FKBP1C: variants seen among roughly 807,000 people sequenced by gnomAD.
FKBP1C encodes peptidyl-prolyl cis-trans isomerase FKBP1C.
In FKBP1C, 7 loss-of-function variants were observed where a neutral mutation model predicts 7.1. The ratio of observed to expected loss-of-function variants is 0.99; its 90% CI spans 0.56 to 1.86. The LOEUF (loss-of-function observed/expected upper bound fraction) is 1.86, where lower values mean the gene tolerates loss of function less well. Among genes scored for constraint, FKBP1C ranks in the 40% most tolerant of loss-of-function variants. The probability of loss-of-function intolerance (pLI) is 0.00; values close to 1 mark genes in which losing one functional copy is unlikely to be tolerated. For synonymous variants in FKBP1C, 56 were observed against 51.2 expected (o/e 1.09, Z -0.40); for missense variants, 159 against 139.9 (o/e 1.14, Z -0.69).
exon 1 of FKBP1C, chr6:63,212,299 A>T: frequency 4.2e-6 from 1 of 238,318 alleles, no homozygotes; most frequent in Non-Finnish European, 8.9e-6. Flanking sequence ...TTTGGATGAA[A>T]TTTTTATCTA....
chr6:63,212,580 C>T (rs1205997395), exon 1 of FKBP1C: 3 of 140,090 alleles, frequency 2.1e-5, no homozygotes, highest in Non-Finnish European at 4.9e-5. Context: ...CCTCTGAAGC[C>T]TTCTTTGTGG....
exon 1 of FKBP1C, chr6:63,211,993 C>T: frequency 1.6e-6 from 2 of 1,286,668 alleles, no homozygotes; most frequent in Non-Finnish European, 2.2e-6. Flanking sequence ...TGATGTTCCA[C>T]TCCACTTTGT....
At chr6:63,212,714 T>C (rs1424877147) in exon 1 of FKBP1C, 1 of 166,858 alleles carries the variant, frequency 6.0e-6, no homozygotes, top group Non-Finnish European at 1.5e-5. Context: ...ATTGACAGTT[T>C]CAATTGAAGG....
exon 1 of FKBP1C, chr6:63,211,884 C>T (rs1186604308): frequency 1.2e-6 from 2 of 1,612,588 alleles, no homozygotes; most frequent in Admixed American, 1.7e-5. Flanking sequence ...ACTGGAATGA[C>T]AGGAATGGCC....
chr6:63,211,522 T>G (rs1284825993), exon 1 of FKBP1C: 3 of 872,294 alleles, frequency 3.4e-6, no homozygotes, highest in Admixed American at 2.1e-5. Context: ...ACGCCGCCCG[T>G]CGCGCTGCCC....
At position 63,211,490 on chromosome 6, in the gene FKBP1C, G is replaced by A. The variant is rs561455176; in HGVS notation, c.-67G>A. 1.7e-4 allele frequency: 111 copies of A among 653,000 alleles called. 2 individuals carry two copies. The highest frequency in any genetic ancestry group is 1.3e-3 in the South Asian group (70 of 55,350). 40.5% of individuals were successfully genotyped at this position (653,000 alleles called of 1,614,324 possible). ...AGGGACTAGGCAGAGCCGTGGAACC[G>A]CCGCCAGGTCGCTGTCGGTCCACGC... On this transcript the variant is annotated 5_prime_UTR_variant, in exon 1 of 1. Coordinates refer to ENST00000370659, the Ensembl canonical transcript of FKBP1C.
chr6:63,211,661 G>A (rs756668840), exon 1 of FKBP1C: 2 of 1,614,026 alleles, frequency 1.2e-6, no homozygotes, highest in African/African-American at 2.7e-5. Context: ...AAGATGGAAA[G>A]AAATTTGATT....
exon 1 of FKBP1C, chr6:63,211,804 A>G (rs767635132): frequency 1.7e-5 from 27 of 1,613,580 alleles, no homozygotes; most frequent in South Asian, 3.3e-5. Context: ...GATTATGCCT[A>G]TGGTGCCACT....
exon 1 of FKBP1C, chr6:63,211,666 T>C (rs749687459): frequency 1.2e-6 from 2 of 1,614,086 alleles, no homozygotes; most frequent in Non-Finnish European, 1.7e-6. Context: ...GGAAAGAAAT[T>C]TGATTCCTCC....
exon 1 of FKBP1C, chr6:63,211,633 A>C (rs1024970917): frequency 1.2e-6 from 2 of 1,612,788 alleles, no homozygotes; most frequent in Non-Finnish European, 1.7e-6. Flanking sequence ...TGCGTGATGC[A>C]CTACACCGGG....
exon 1 of FKBP1C, chr6:63,211,697 T>C (rs952218668): frequency 9.9e-6 from 16 of 1,613,894 alleles, no homozygotes; most frequent in African/African-American, 1.3e-5. Flanking sequence ...ACAAGCCCTT[T>C]AAGTTTATGC....
exon 1 of FKBP1C, chr6:63,211,834 C>T: frequency 6.2e-7 from 1 of 1,612,860 alleles, no homozygotes; most frequent in East Asian, 2.2e-5. Flanking sequence ...GGCATCATCC[C>T]ACCACATGCC....
chr6:63,212,749 G>A (rs1219088954), exon 1 of FKBP1C: 1 of 166,872 alleles, frequency 6.0e-6, no homozygotes, highest in Non-Finnish European at 1.5e-5. Flanking sequence ...TTAACACCCA[G>A]TGAAAGCCCA....
chr6:63,212,084 G>C, exon 1 of FKBP1C: 1 of 654,000 alleles, frequency 1.5e-6, no homozygotes, highest in African/African-American at 1.8e-5. Flanking sequence ...CCTTTCTCCT[G>C]GTATGTGCGT....
chr6:63,212,060 C>T (rs1766112989), exon 1 of FKBP1C: 1 of 717,356 alleles, frequency 1.4e-6, no homozygotes, highest in Non-Finnish European at 2.4e-6. Context: ...TCCGACACCT[C>T]TGTTTCCTCT....
chr6:63,211,911 T>G, exon 1 of FKBP1C: 2 of 1,611,028 alleles, frequency 1.2e-6, no homozygotes, highest in Non-Finnish European at 1.7e-6. Context: ...CTTAGCTCCC[T>G]GTTCTTGGAT....
exon 1 of FKBP1C, chr6:63,212,546 T>C (rs1222273020): frequency 1.3e-5 from 2 of 152,622 alleles, no homozygotes; most frequent in Non-Finnish European, 3.1e-5. Flanking sequence ...ACACTACAGG[T>C]ATCTGTCCCT....
At chr6:63,213,012 G>A (rs1157299957) in exon 1 of FKBP1C, 1 of 87,622 alleles carries the variant, frequency 1.1e-5, no homozygotes, top group East Asian at 4.0e-4. Context: ...GCTTTATGCT[G>A]GCTTTTCTCA....
chr6:63,211,823 A>G (rs1431251751), exon 1 of FKBP1C: 29 of 1,612,668 alleles, frequency 1.8e-5, no homozygotes, highest in Non-Finnish European at 2.2e-5. Context: ...CTGGGCACCC[A>G]GGCATCATCC....
Sources: allele counts gnomAD v4.1 joint callset, GRCh38; gene constraint gnomAD v4.1.1; transcripts MANE v1.5; gene names NCBI Gene and HGNC (gene_info 2026-07-23, HGNC 2026-07-21).